Variants in PDZD2 observed in about 807,000 individuals in gnomAD.
PDZD2 encodes PDZ domain-containing protein 2.
A neutral mutation model predicts 220.7 loss-of-function variants in PDZD2; 90 were observed. The observed-to-expected ratio is 0.41, with a 90% CI of 0.34 to 0.49. The LOEUF (loss-of-function observed/expected upper bound fraction) is 0.49, where lower values mean the gene tolerates loss of function less well. Ranked by LOEUF, PDZD2 falls within the 20% of genes least tolerant of loss-of-function variation. The pLI, the probability that PDZD2 is intolerant of heterozygous loss-of-function variation, is 0.28. For missense variants in PDZD2, 3,174 were observed against 3,608.5 expected (o/e 0.88, Z 3.08); for synonymous variants, 1,375 against 1,450.5 (o/e 0.95, Z 1.18).
At chr5:31,752,329 A>G (rs1455450970) in intron 1 of PDZD2, among the ~76,000 whole-genome samples, 1 of 151,468 alleles carries the variant, frequency 6.6e-6, no homozygotes, top group Non-Finnish European at 1.5e-5. Context: ...CAGGCGAATC[A>G]CCTGAGGTCA....
intron 2 of PDZD2, among the ~76,000 whole-genome samples, chr5:31,883,043 AAAAAAG>A (rs1474279500): frequency 6.7e-6 from 1 of 150,078 alleles, no homozygotes; most frequent in Non-Finnish European, 1.5e-5. Flanking sequence ...AAAAAAAAAA[AAAAAAG>A]GCCCAGGGGG....
chr5:31,886,187 C>T (rs1250980567), intron 2 of PDZD2, among the ~76,000 whole-genome samples: 1 of 152,216 alleles, frequency 6.6e-6, no homozygotes, highest in Non-Finnish European at 1.5e-5. Flanking sequence ...GCGTGAGCCA[C>T]TGTGCCCAGC....
At chr5:31,888,148 CTTT>C (rs1030760922) in intron 2 of PDZD2, among the ~76,000 whole-genome samples, 80 of 151,978 alleles carry the variant, frequency 5.3e-4, no homozygotes, top group African/African-American at 1.9e-3. Flanking sequence ...TTTTCTTTTT[CTTT>C]TTTATTTTCT....
chr5:31,820,586 T>C (rs1429991711), intron 2 of PDZD2: 1 of 152,208 alleles, frequency 6.6e-6, no homozygotes, highest in Non-Finnish European at 1.5e-5. Context: ...GCAAGGGCCA[T>C]GCTAATCTTC....
chr5:31,881,388 T>C (rs1739911444), intron 2 of PDZD2, among the ~76,000 whole-genome samples: 1 of 147,906 alleles, frequency 6.8e-6, no homozygotes, highest in Non-Finnish European at 1.5e-5. Context: ...TTTTTTTTTT[T>C]GAGATGGAGT....
At chr5:31,814,586 G>T (rs990205694) in intron 2 of PDZD2, among the ~76,000 whole-genome samples, 7 of 152,120 alleles carry the variant, frequency 4.6e-5, no homozygotes, top group African/African-American at 9.7e-5. Context: ...ACTTTGGGAG[G>T]CCAAGGCAGG....
At chr5:32,045,717 G>A (rs780559118) in intron 7 of PDZD2, among the ~76,000 whole-genome samples, 5 of 151,376 alleles carry the variant, frequency 3.3e-5, no homozygotes, top group Non-Finnish European at 5.9e-5. Context: ...GTGAGTCACC[G>A]CGCCCAGCCT....
At chr5:31,797,935 G>A (rs1032565824) in intron 1 of PDZD2, among the ~76,000 whole-genome samples, 1 of 152,162 alleles carries the variant, frequency 6.6e-6, no homozygotes, top group African/African-American at 2.4e-5. Context: ...TCAGAGAAGA[G>A]CGTGAAAGGG....
chr5:32,033,436 A>T (rs902510720), intron 6 of PDZD2, among the ~76,000 whole-genome samples: 1 of 152,210 alleles, frequency 6.6e-6, no homozygotes, highest in Non-Finnish European at 1.5e-5. Flanking sequence ...GTTTTTTGTT[A>T]TAAGAGGAAA....
At chr5:31,709,422 G>T (rs58077761) in intron 1 of PDZD2, among the ~76,000 whole-genome samples, 20,316 of 151,682 alleles carry the variant, frequency 0.13, 1,502 homozygotes, top group East Asian at 0.21. Context: ...AGGAGGTCAA[G>T]GCTACAGTGA....
chr5:31,682,627 C>G (rs944575937), intron 1 of PDZD2, among the ~76,000 whole-genome samples: 3 of 151,790 alleles, frequency 2.0e-5, no homozygotes, highest in Non-Finnish European at 4.4e-5. Context: ...TGTTAATTTT[C>G]TCCTCCAAGA....
At chr5:32,065,717 T>A (rs1740148376) in intron 14 of PDZD2, among the ~76,000 whole-genome samples, 1 of 152,098 alleles carries the variant, frequency 6.6e-6, no homozygotes, top group Admixed American at 6.6e-5. Context: ...GCATCCAGAG[T>A]TTTTTGAATA....
chr5:31,743,652 G>A (rs1561424341), intron 1 of PDZD2, among the ~76,000 whole-genome samples: 1 of 152,122 alleles, frequency 6.6e-6, no homozygotes, highest in Non-Finnish European at 1.5e-5. Context: ...ATGGCATCCA[G>A]GTTCTTTTAG....
At chr5:31,666,974 C>G (rs989777151) in intron 1 of PDZD2, among the ~76,000 whole-genome samples, 3 of 151,928 alleles carry the variant, frequency 2.0e-5, no homozygotes, top group Non-Finnish European at 2.9e-5. Flanking sequence ...CGGTGGCTCA[C>G]GCCTGTAATC....
intron 1 of PDZD2, among the ~76,000 whole-genome samples, chr5:31,735,837 C>T (rs1393646890): frequency 3.9e-5 from 6 of 152,074 alleles, no homozygotes; most frequent in East Asian, 1.9e-4. Flanking sequence ...CCCAGCTACT[C>T]GGGAGGCTGA....
At chr5:31,816,280 T>A (rs1755450516) in intron 2 of PDZD2, among the ~76,000 whole-genome samples, 1 of 95,386 alleles carries the variant, frequency 1.0e-5, no homozygotes, top group Non-Finnish European at 2.2e-5. Context: ...AGAGCGAGAC[T>A]CCATCTCAAA....
chr5:31,999,518 CA>C (rs1215221145), intron 4 of PDZD2, among the ~76,000 whole-genome samples: 2 of 152,050 alleles, frequency 1.3e-5, no homozygotes, highest in East Asian at 3.9e-4. Flanking sequence ...GTCTCAAAAA[CA>C]AACACACACA....
chr5:31,776,608 G>A (rs192362521), intron 1 of PDZD2, among the ~76,000 whole-genome samples: 77 of 149,236 alleles, frequency 5.2e-4, no homozygotes, highest in Middle Eastern at 6.9e-3. Context: ...GAACCACCAC[G>A]CCTGGCCTTA....
chr5:31,932,561 AAAGAAAG>A (rs1160920274), intron 2 of PDZD2, among the ~76,000 whole-genome samples: 21 of 8,044 alleles, frequency 2.6e-3, no homozygotes, highest in Non-Finnish European at 4.8e-3. Flanking sequence ...AAAAAGAAAG[AAAGAAAG>A]AAAGAAAGAA....
Sources: allele counts gnomAD v4.1 joint callset (sites outside exome capture counted in the v4.1 genomes callset), GRCh38; gene constraint gnomAD v4.1.1; transcripts MANE v1.5; gene names NCBI Gene and HGNC (gene_info 2026-07-23, HGNC 2026-07-21).